SP4: variants seen among roughly 807,000 people sequenced by gnomAD.
The protein encoded by SP4 is Sp4 transcription factor.
A neutral mutation model predicts 72.8 loss-of-function variants in SP4; 19 were observed. The observed-to-expected ratio is 0.26, with a 90% CI of 0.18 to 0.38. SP4 has a LOEUF of 0.38. SP4 is among the 10% of genes least tolerant of loss of function. SP4 has a pLI of 1.00. For synonymous variants in SP4, 395 were observed against 333.1 expected (o/e 1.19, Z -2.02); for missense variants, 1,008 against 926.3 (o/e 1.09, Z -1.14).
At chr7:21,472,346 G>A (rs1347638115) in intron 3 of SP4, among the ~76,000 whole-genome samples, 1 of 152,048 alleles carries the variant, frequency 6.6e-6, no homozygotes, top group Non-Finnish European at 1.5e-5. Context: ...GTACAGTGGT[G>A]CCATCACGGC....
At chr7:21,488,570 C>T (rs1420307063) in intron 5 of SP4, among the ~76,000 whole-genome samples, 1 of 148,868 alleles carries the variant, frequency 6.7e-6, no homozygotes, top group Non-Finnish European at 1.5e-5. Flanking sequence ...TAAACAAACA[C>T]ATGTAATCAT....
At chr7:21,429,141 T>C (rs748620518) in intron 2 of SP4, 148 bp from the exon 3 acceptor site, 15 of 597,466 alleles carry the variant, frequency 2.5e-5, no homozygotes, top group Non-Finnish European at 3.5e-5. Context: ...TATCTACTTT[T>C]GTTCGTATTT....
chr7:21,484,985 C>A (rs1315389949), intron 5 of SP4, among the ~76,000 whole-genome samples: 1 of 151,756 alleles, frequency 6.6e-6, no homozygotes, highest in African/African-American at 2.4e-5. Context: ...TTTAAGCTTA[C>A]TTTCAGTGGT....
At chr7:21,495,171 A>G (rs1369951596) in intron 5 of SP4, among the ~76,000 whole-genome samples, 1 of 152,206 alleles carries the variant, frequency 6.6e-6, no homozygotes, top group Non-Finnish European at 1.5e-5. Context: ...GCCTTGAGAT[A>G]GGCTACGAGT....
At chr7:21,436,498 AT>A (rs1274775986) in intron 3 of SP4, among the ~76,000 whole-genome samples, 1 of 152,170 alleles carries the variant, frequency 6.6e-6, no homozygotes, top group Non-Finnish European at 1.5e-5. Context: ...TTATAAAGGC[AT>A]TTTGTGTTTT....
intron 5 of SP4, 150 bp downstream of exon 5, chr7:21,482,273 C>A: frequency 1.6e-6 from 1 of 626,844 alleles, no homozygotes. Flanking sequence ...TTAAGATGAA[C>A]ATTTTTAACC....
intron 5 of SP4, among the ~76,000 whole-genome samples, chr7:21,487,618 A>T (rs2128412635): frequency 1.3e-5 from 2 of 151,906 alleles, no homozygotes; most frequent in Middle Eastern, 3.4e-3. Flanking sequence ...GTGCTTGCTG[A>T]AATTATCTCA....
chr7:21,489,499 T>TA (rs1365114946), intron 5 of SP4, among the ~76,000 whole-genome samples: 1 of 151,614 alleles, frequency 6.6e-6, no homozygotes, highest in Non-Finnish European at 1.5e-5. Flanking sequence ...TTTTTTTTTT[T>TA]TTTTAAAGGT....
intron 5 of SP4, among the ~76,000 whole-genome samples, chr7:21,501,946 G>T (rs1422136015): frequency 6.6e-6 from 1 of 150,542 alleles, no homozygotes; most frequent in African/African-American, 2.5e-5. Flanking sequence ...AATAGATGTA[G>T]TTAATCTAGT....
At chr7:21,434,857 G>C (rs1191811519) in intron 3 of SP4, among the ~76,000 whole-genome samples, 1 of 149,780 alleles carries the variant, frequency 6.7e-6, no homozygotes, top group South Asian at 2.1e-4. Context: ...AAGTGTGAAC[G>C]TGCTGAGTTT....
Position 21,511,123 on chromosome 7 carries a change from A to T in SP4, c.2209A>T (p.Thr737Ser). The change falls in exon 6 of 6, where the codon ACA becomes TCA. Residue 737 changes from threonine (T) to serine (S), a missense_variant. Around this residue, in one of 3 missense-constraint regions of SP4, gnomAD observed 67 missense variants for 66.1 expected, o/e 1.01. Coordinates refer to ENST00000222584, the MANE Select transcript of SP4 (RefSeq NM_003112.5). ...KTHQNKKGGG[T>S]ALAIVTSGEL... Reference sequence around the variant, plus strand: ...GCACCAGAATAAAAAAGGTGGTGGGACAGCTCTTGCCATTGTTACCTCGGG... The same window carrying T: ...GCACCAGAATAAAAAAGGTGGTGGGTCAGCTCTTGCCATTGTTACCTCGGG... 1.1e-5 allele frequency: 17 copies of T among 1,614,212 alleles called. No individual in the cohort carries two copies. Among genetic ancestry groups the T allele is most frequent in the Non-Finnish European group, 1.4e-5 (17 of 1,180,024 alleles).
intron 3 of SP4, among the ~76,000 whole-genome samples, chr7:21,444,249 A>T (rs561781968): frequency 5.9e-5 from 9 of 152,324 alleles, no homozygotes; most frequent in African/African-American, 2.2e-4. Context: ...ATAATATTCC[A>T]GTGGGGAGAG....
chr7:21,434,802 T>C (rs1431299016), intron 3 of SP4, among the ~76,000 whole-genome samples: 2 of 151,040 alleles, frequency 1.3e-5, no homozygotes, highest in Non-Finnish European at 2.9e-5. Flanking sequence ...TCCACCTGTA[T>C]GTCCATGTGT....
chr7:21,430,441 C>G lies in SP4; in HGVS notation c.1276C>G (p.Gln426Glu). Residue 426 changes from glutamine (Q) to glutamate (E), a missense_variant, in exon 3 of 6, where the codon CAA becomes GAA. Transcript: ENST00000222584. ...TCAGGCTATTCCACCACAGTCGTTT[C>G]AACTCCAGTCAGGGCAGACGATTCA... ...IIQAIPPQSF[Q>E]LQSGQTIQTI... 6.2e-7 allele frequency: 1 copy of G among 1,613,658 alleles called. No individual in the cohort carries two copies. The highest frequency in any genetic ancestry group is 1.1e-5 in the South Asian group (1 of 91,068).
At chr7:21,505,532 T>C (rs1242121195) in intron 5 of SP4, among the ~76,000 whole-genome samples, 1 of 152,198 alleles carries the variant, frequency 6.6e-6, no homozygotes, top group East Asian at 1.9e-4. Flanking sequence ...CCAGGGGTAC[T>C]GTTGTTTTCT....
intron 3 of SP4, among the ~76,000 whole-genome samples, chr7:21,460,705 G>A (rs777671550): frequency 8.5e-5 from 13 of 152,068 alleles, no homozygotes; most frequent in Middle Eastern, 3.2e-3. Flanking sequence ...TGATTGGTGC[G>A]TTTACAATCC....
chr7:21,442,722 A>G (rs1422746066), intron 3 of SP4, among the ~76,000 whole-genome samples: 2 of 152,256 alleles, frequency 1.3e-5, no homozygotes, highest in Non-Finnish European at 2.9e-5. Flanking sequence ...AATTTTTGAA[A>G]TTCAAGTAGT....
chr7:21,487,666 A>AT (rs1345317877), intron 5 of SP4, among the ~76,000 whole-genome samples: 1 of 147,862 alleles, frequency 6.8e-6, no homozygotes, highest in Non-Finnish European at 1.5e-5. Context: ...CTCCAGGATG[A>AT]TTTTTTTGTC....
chr7:21,498,738 G>A (rs528783933), intron 5 of SP4, among the ~76,000 whole-genome samples: 20 of 152,220 alleles, frequency 1.3e-4, no homozygotes, highest in South Asian at 6.2e-4. Context: ...CAATTAACAC[G>A]TATTTTGCAT....
Sources: allele counts gnomAD v4.1 joint callset (sites outside exome capture counted in the v4.1 genomes callset), GRCh38; gene constraint gnomAD v4.1.1; regional missense constraint gnomAD v4.1.1; transcripts MANE v1.5; gene names NCBI Gene and HGNC (gene_info 2026-07-23, HGNC 2026-07-21).